AUTS2: variants seen among roughly 807,000 people sequenced by gnomAD.
AUTS2 encodes the protein autism susceptibility gene 2 protein.
A neutral mutation model predicts 112.4 loss-of-function variants in AUTS2; 17 were observed. The observed-to-expected ratio is 0.15, with a 90% CI of 0.10 to 0.23. The LOEUF is 0.23. Among genes scored for constraint, AUTS2 ranks in the 10% least tolerant of loss-of-function variants. AUTS2 has a pLI of 1.00. For missense variants in AUTS2, 1,510 were observed against 1,701.6 expected, an observed-to-expected ratio of 0.89 and a Z score of 1.98; for synonymous variants, 751 against 702.7, an observed-to-expected ratio of 1.07 and a Z score of -1.09.
intron 5 of AUTS2, chr7:70,437,177 A>G (rs1253935915): frequency 1.3e-5 from 2 of 152,226 alleles, no homozygotes; most frequent in African/African-American, 4.8e-5. Context: ...GAAAGTACAC[A>G]CTGGAAAGGG....
intron 1 of AUTS2, among the ~76,000 whole-genome samples, chr7:69,746,850 G>A (rs920959343): frequency 6.6e-6 from 1 of 152,072 alleles, no homozygotes; most frequent in Non-Finnish European, 1.5e-5. Context: ...GAGTTTGTGG[G>A]GGGAAACTCA....
At chr7:70,481,646 TC>T (rs1161962237) in intron 5 of AUTS2, among the ~76,000 whole-genome samples, 3 of 152,162 alleles carry the variant, frequency 2.0e-5, no homozygotes, top group Admixed American at 6.5e-5. Context: ...GGTCGGCTTG[TC>T]TTCTCTGTCG....
intron 4 of AUTS2, among the ~76,000 whole-genome samples, chr7:70,380,931 G>A (rs1012866870): frequency 6.6e-6 from 1 of 152,130 alleles, no homozygotes; most frequent in African/African-American, 2.4e-5. Context: ...GCTAAAAAAC[G>A]AATTAAGTAG....
intron 5 of AUTS2, among the ~76,000 whole-genome samples, chr7:70,465,806 A>G (rs62455223): frequency 0.031 from 4,701 of 152,226 alleles, 146 homozygotes; most frequent in Admixed American, 0.1. Flanking sequence ...GTCTTGCTCC[A>G]GGAGGCAAAG....
chr7:70,005,937 C>T (rs534092954), intron 2 of AUTS2, among the ~76,000 whole-genome samples: 1 of 152,194 alleles, frequency 6.6e-6, no homozygotes, highest in East Asian at 1.9e-4. Flanking sequence ...CTTTGAAATT[C>T]TGCAGTTGGA....
At chr7:70,302,345 C>A (rs867080960) in intron 4 of AUTS2, among the ~76,000 whole-genome samples, 2 of 151,718 alleles carry the variant, frequency 1.3e-5, no homozygotes, top group African/African-American at 4.8e-5. Context: ...ATTGAGGCTG[C>A]AGTGAGCTAT....
intron 2 of AUTS2, among the ~76,000 whole-genome samples, chr7:70,014,009 C>A (rs1477605247): frequency 6.6e-6 from 1 of 152,216 alleles, no homozygotes; most frequent in African/African-American, 2.4e-5. Flanking sequence ...AGCCACCGCG[C>A]CCGGCCTCAT....
chr7:70,784,893 C>T (rs368372534), intron 15 of AUTS2, 49 bp from the exon 16 acceptor site: 85 of 1,577,880 alleles, frequency 5.4e-5, no homozygotes, highest in South Asian at 3.6e-4. Flanking sequence ...GTTGCATCTT[C>T]GAAGTTGGCT....
In AUTS2 at chr7:70,379,006, T is replaced by C. The variant is rs1793244625; in HGVS notation, c.661-56746T>C. Among the ~76,000 whole-genome samples the C allele has an allele frequency of 1.3e-5, 2 of 152,224 alleles. 1 individual carries two copies. Among genetic ancestry groups the C allele is most frequent in the Non-Finnish European group, 2.9e-5 (2 of 68,044 alleles). On this transcript the variant is annotated intron_variant, in intron 4 of 18. Transcript: ENST00000342771. ...GCCATTTTATTCGTATCTCTTCCAA[T>C]TCTTATTAAGACTAGCACTGCTGTT... is the stretch of plus-strand genomic sequence containing the variant.
chr7:70,191,688 C>T (rs1809903175), intron 4 of AUTS2, among the ~76,000 whole-genome samples: 1 of 152,066 alleles, frequency 6.6e-6, no homozygotes, highest in South Asian at 2.1e-4. Flanking sequence ...GTTCTTGTCC[C>T]CATGTGAATA....
intron 4 of AUTS2, among the ~76,000 whole-genome samples, chr7:70,403,758 C>G (rs1794419817): frequency 6.6e-6 from 1 of 152,196 alleles, no homozygotes; most frequent in Admixed American, 6.5e-5. Flanking sequence ...TGTTTTGATA[C>G]AAAATTCATT....
chr7:69,819,044 A>G (rs1467528874), intron 1 of AUTS2, among the ~76,000 whole-genome samples: 1 of 152,212 alleles, frequency 6.6e-6, no homozygotes, highest in Non-Finnish European at 1.5e-5. Flanking sequence ...CACCAAGGAC[A>G]GGAGCAGAGA....
chr7:70,363,102 C>T (rs1168122219), intron 4 of AUTS2, among the ~76,000 whole-genome samples: 1 of 152,118 alleles, frequency 6.6e-6, no homozygotes, highest in Admixed American at 6.5e-5. Flanking sequence ...TGCATTTATT[C>T]CTCCTGATAT....
At chr7:70,296,916 G>A (rs545632680) in intron 4 of AUTS2, among the ~76,000 whole-genome samples, 7 of 146,686 alleles carry the variant, frequency 4.8e-5, no homozygotes, top group South Asian at 2.2e-4. Flanking sequence ...ATCACAGCTC[G>A]CTGCAGCCTG....
intron 4 of AUTS2, among the ~76,000 whole-genome samples, chr7:70,193,025 A>T (rs1370199288): frequency 6.6e-6 from 1 of 152,250 alleles, no homozygotes; most frequent in Non-Finnish European, 1.5e-5. Flanking sequence ...AGAGAAGAGA[A>T]GAAAACCACA....
intron 15 of AUTS2, 33 bp downstream of exon 15, chr7:70,781,789 G>T (rs1170769332): frequency 6.2e-7 from 1 of 1,605,144 alleles, no homozygotes; most frequent in Non-Finnish European, 8.5e-7. Context: ...GGACAGAGCT[G>T]AGAAATGTAG....
chr7:70,582,150 A>T (rs975207299), intron 5 of AUTS2, among the ~76,000 whole-genome samples: 1 of 152,100 alleles, frequency 6.6e-6, no homozygotes, highest in African/African-American at 2.4e-5. Context: ...GAAGAAAGGA[A>T]ATTATAGAAT....
chr7:70,695,007 A>T (rs1808998310), intron 5 of AUTS2: 2 of 152,104 alleles, frequency 1.3e-5, no homozygotes, highest in South Asian at 4.1e-4. Flanking sequence ...CAAACCATGA[A>T]CTTGGGGCTG....
chr7:69,859,140 A>G (rs1792864899), intron 1 of AUTS2, among the ~76,000 whole-genome samples: 1 of 152,206 alleles, frequency 6.6e-6, no homozygotes, highest in South Asian at 2.1e-4. Context: ...TAACCACTGT[A>G]TAAGATTTGA....
Sources: gnomAD v4.1 joint callset for allele counts (sites outside exome capture counted in the v4.1 genomes callset) on GRCh38, gnomAD v4.1.1 for gene constraint, MANE v1.5 for transcripts, NCBI Gene and HGNC (gene_info 2026-07-23, HGNC 2026-07-21) for gene names.